Variants in XKR4 observed in about 807,000 individuals in gnomAD.
The protein encoded by XKR4 is XK related 4.
XKR4 carries 12 observed loss-of-function variants against 53.9 expected under a neutral mutation model. The observed-to-expected ratio is 0.22, with a 90% CI of 0.14 to 0.36. The LOEUF is 0.36. Among genes scored for constraint, XKR4 ranks in the 10% least tolerant of loss-of-function variants. XKR4 has a pLI of 1.00. For missense variants in XKR4, 799 were observed against 859.5 expected, an observed-to-expected ratio of 0.93 and a Z score of 0.88; for synonymous variants, 354 against 362.4, an observed-to-expected ratio of 0.98 and a Z score of 0.26.
chr8:55,226,057 A>G (rs897175350), intron 1 of XKR4, among the ~76,000 whole-genome samples: 24 of 152,200 alleles, frequency 1.6e-4, no homozygotes, highest in African/African-American at 5.5e-4. Flanking sequence ...GTCCACATGA[A>G]TGCCTGGGCC....
Position 55,536,751 on chromosome 8 carries a change from G to GCCC in XKR4, c.*12524_*12525insCCC, listed in dbSNP as rs2129407331. The GCCC allele has an allele frequency of 6.6e-6, 1 of 152,364 alleles. No individual in the cohort carries two copies. The highest frequency in any genetic ancestry group is 2.1e-4 in the South Asian group (1 of 4,830). The allele number at this position is 152,364 out of a possible 1,614,324, so 9.4% of individuals were successfully genotyped here. A position where few individuals can be genotyped will look rare whatever the true frequency, so the allele number is the denominator to read the frequency against. ...ATTTACTTTCAGCAAACACATGAATGAAAGAGGTCAGGTAGGCTGTCCTGG... is the reference window on the plus strand; with the variant it reads ...ATTTACTTTCAGCAAACACATGAATGCCCAAAGAGGTCAGGTAGGCTGTCCTGG... On this transcript the variant is annotated 3_prime_UTR_variant, in exon 3 of 3. Transcript: ENST00000327381.
At chr8:55,456,063 A>G in intron 2 of XKR4, among the ~76,000 whole-genome samples, 1 of 152,224 alleles carries the variant, frequency 6.6e-6, no homozygotes, top group East Asian at 1.9e-4. Flanking sequence ...TTTTGGGGCA[A>G]AACAATTACT....
rs548005498 is a variant in XKR4, at chr8:55,302,660, C to G, written c.807-55018C>G. 2.7e-3 allele frequency among the ~76,000 whole-genome samples: 404 copies of G among 152,234 alleles called. 1 individual carries two copies. Among genetic ancestry groups the G allele is most frequent in the Non-Finnish European group, 3.7e-3 (252 of 68,018 alleles). On this transcript the variant is annotated intron_variant, in intron 1 of 2. Coordinates refer to ENST00000327381, the MANE Select transcript of XKR4 (RefSeq NM_052898.2). ...ATGTTCTTCCATTTGTTTGTATCCT[C>G]TTTTATTTCCTTGAGCAGTGGTTTG...
intron 1 of XKR4, among the ~76,000 whole-genome samples, chr8:55,139,675 T>TG (rs1170448531): frequency 7.6e-6 from 1 of 131,654 alleles, no homozygotes; most frequent in Non-Finnish European, 1.6e-5. Flanking sequence ...TAGTAGCTGT[T>TG]TTTTTTTTTA....
At chr8:55,492,784 C>A (rs1040240986) in intron 2 of XKR4, among the ~76,000 whole-genome samples, 1 of 152,174 alleles carries the variant, frequency 6.6e-6, no homozygotes, top group African/African-American at 2.4e-5. Context: ...TCCATGGAAT[C>A]CTGCATTTTT....
intron 2 of XKR4, among the ~76,000 whole-genome samples, chr8:55,466,266 A>T (rs1352443147): frequency 6.6e-6 from 1 of 152,184 alleles, no homozygotes; most frequent in South Asian, 2.1e-4. Flanking sequence ...GACTGGATGA[A>T]GAAAATGTGG....
chr8:55,460,084 T>C (rs1283023046), intron 2 of XKR4, among the ~76,000 whole-genome samples: 1 of 149,012 alleles, frequency 6.7e-6, no homozygotes, highest in Non-Finnish European at 1.5e-5. Context: ...TACAACTGGA[T>C]ACTATTCAGC....
chr8:55,524,317 A>G lies in XKR4; in HGVS notation c.*90A>G, dbSNP rs996081364. On this transcript the variant is annotated 3_prime_UTR_variant, in exon 3 of 3. Coordinates refer to ENST00000327381, the MANE Select transcript of XKR4 (RefSeq NM_052898.2). ...ATGACACTTCATCCTAGAGCAGGGC[A>G]GTGAGCCGTGAAGTTCCTAGTGGGA... is the stretch of plus-strand genomic sequence containing the variant. The G allele has an allele frequency of 3.8e-6, 5 of 1,322,236 alleles. No individual in the cohort carries two copies. The highest frequency in any genetic ancestry group is 5.2e-6 in the Non-Finnish European group (5 of 965,410). 81.9% of individuals were successfully genotyped at this position (1,322,236 alleles called of 1,614,324 possible).
At chr8:55,366,973 G>C (rs77846700) in intron 2 of XKR4, among the ~76,000 whole-genome samples, 1,702 of 152,170 alleles carry the variant, frequency 0.011, 15 homozygotes, top group African/African-American at 0.025. Flanking sequence ...CTTATCCTCT[G>C]TCTCCTCTTC....
At position 55,170,059 on chromosome 8, in the gene XKR4, A is replaced by T. The variant is rs150675145; in HGVS notation, c.806+66765A>T. 3.4e-3 allele frequency among the ~76,000 whole-genome samples: 515 copies of T among 152,282 alleles called. 3 individuals are homozygous for T. The highest frequency in any genetic ancestry group is 0.012 in the African/African-American group (480 of 41,548). ...GGCAATAGTTCTCCTTCCTGCTTCA[A>T]ATTTGTATTCATATTCATATTCTTT... On this transcript the variant is annotated intron_variant, in intron 1 of 2. Coordinates refer to ENST00000327381, the MANE Select transcript of XKR4 (RefSeq NM_052898.2).
chr8:55,196,247 T>C (rs555773228), intron 1 of XKR4, among the ~76,000 whole-genome samples: 1 of 150,092 alleles, frequency 6.7e-6, no homozygotes, highest in Non-Finnish European at 1.5e-5. Flanking sequence ...AATGGTGCGA[T>C]CTTGGCTAAC....
intron 1 of XKR4, among the ~76,000 whole-genome samples, chr8:55,172,212 A>G (rs569413404): frequency 1.6e-5 from 2 of 128,200 alleles, no homozygotes; most frequent in East Asian, 4.1e-4. Flanking sequence ...CTCTCTCTCA[A>G]AAAAAAAAAA....
intron 1 of XKR4, among the ~76,000 whole-genome samples, chr8:55,213,726 G>A (rs1817759986): frequency 6.6e-6 from 1 of 152,130 alleles, no homozygotes; most frequent in Non-Finnish European, 1.5e-5. Context: ...GGACATTTTG[G>A]AGGTTAGAAG....
chr8:55,213,856 CTTTTTTTTT>C (rs11433893), intron 1 of XKR4, among the ~76,000 whole-genome samples: 5 of 82,348 alleles, frequency 6.1e-5, no homozygotes, highest in African/African-American at 1.0e-4. Context: ...TTCTTTCTTT[CTTTTTTTTT>C]TTTTTTTTTT....
intron 2 of XKR4, chr8:55,450,637 C>T: frequency 3.1e-6 from 2 of 635,822 alleles, no homozygotes; most frequent in South Asian, 3.1e-5. Flanking sequence ...GTAGGCAGTC[C>T]AAGAACTACA....
chr8:55,387,147 T>G (rs563698880), intron 2 of XKR4, among the ~76,000 whole-genome samples: 1 of 152,352 alleles, frequency 6.6e-6, no homozygotes, highest in East Asian at 1.9e-4. Context: ...GTACTGTTTT[T>G]GACAACACCC....
In XKR4 at chr8:55,102,279, G is replaced by T. The variant is rs1170236794; in HGVS notation, c.-210G>T. The T allele has an allele frequency of 7.1e-6, 4 of 560,894 alleles. No individual in the cohort carries two copies. The highest frequency in any genetic ancestry group is 9.0e-6 in the Non-Finnish European group (4 of 444,800). The allele number at this position is 560,894 out of a possible 1,614,324, so 34.7% of individuals were successfully genotyped here. A position where few individuals can be genotyped will look rare whatever the true frequency, so the allele number is the denominator to read the frequency against. ...CAGGCAGCCAGGCGGCGCTCCTGCC[G>T]GCCCCAGGCGCGCCGCTAGCCCGGC... On this transcript the variant is annotated 5_prime_UTR_variant, in exon 1 of 3. Transcript: ENST00000327381. The surrounding 1 kb of genome is among the most constrained non-coding windows in gnomAD (Gnocchi z 5.1).
chr8:55,181,648 T>G (rs184154104), intron 1 of XKR4, among the ~76,000 whole-genome samples: 21 of 152,098 alleles, frequency 1.4e-4, no homozygotes, highest in African/African-American at 4.6e-4. Flanking sequence ...GCCTGCTGCA[T>G]CCCTGCAGGC....
At chr8:55,304,144 A>C (rs1349763130) in intron 1 of XKR4, among the ~76,000 whole-genome samples, 1 of 152,158 alleles carries the variant, frequency 6.6e-6, no homozygotes, top group Non-Finnish European at 1.5e-5. Flanking sequence ...TTAGTGCTAT[A>C]AATTTCCCTC....
Sources: gnomAD v4.1 joint callset for allele counts (sites outside exome capture counted in the v4.1 genomes callset) on GRCh38, gnomAD v4.1.1 for gene constraint, Gnocchi (gnomAD v3.1) non-coding constraint, MANE v1.5 for transcripts, NCBI Gene and HGNC (gene_info 2026-07-23, HGNC 2026-07-21) for gene names.